FCER1A: variants seen among roughly 807,000 people sequenced by gnomAD.
FCER1A encodes Fc epsilon receptor Ia, also known as high affinity immunoglobulin epsilon receptor subunit alpha.
In FCER1A, 24 loss-of-function variants were observed where a neutral mutation model predicts 23.6. That is an observed-to-expected ratio of 1.02 (90% CI 0.74 to 1.43). The LOEUF (loss-of-function observed/expected upper bound fraction) is 1.43. Among genes scored for constraint, FCER1A ranks in the 40% most tolerant of loss-of-function variants. The pLI is 0.00. For missense variants in FCER1A, 318 were observed against 294.5 expected, an observed-to-expected ratio of 1.08 and a Z score of -0.58; for synonymous variants, 121 against 108.8, an observed-to-expected ratio of 1.11 and a Z score of -0.70.
chr1:159,303,318 T>C (rs1571080969), intron 2 of FCER1A, among the ~76,000 whole-genome samples: 3 of 152,344 alleles, frequency 2.0e-5, no homozygotes, highest in Non-Finnish European at 4.4e-5. Context: ...ACCATGTATC[T>C]ACTTCTTTGG....
At position 159,306,248 on chromosome 1, in the gene FCER1A, G is replaced by A; in HGVS notation, c.589+3G>A. ...CCTCAACATTACTGTAATAAAAGGT[G>A]AGTTGGTAAAGGAAAGGAAAAGCAT... On this transcript the variant is annotated splice_donor_region_variant and intron_variant, in intron 4 of 4. Coordinates refer to ENST00000693622, the MANE Select transcript of FCER1A (RefSeq NM_001387280.1). The A allele has an allele frequency of 6.2e-7, 1 of 1,612,340 alleles. No individual in the cohort carries two copies. The highest frequency in any genetic ancestry group is 8.5e-7 in the Non-Finnish European group (1 of 1,179,050).
At chr1:159,307,678 A>G (rs1238289748) in intron 4 of FCER1A, 70 bp from the exon 5 acceptor site, 1 of 1,198,276 alleles carries the variant, frequency 8.3e-7, no homozygotes, top group African/African-American at 1.5e-5. Flanking sequence ...AGGGAGGATG[A>G]AACTCTGAAC....
At chr1:159,287,973 C>T (rs1652058766), upstream of FCER1A, among the ~76,000 whole-genome samples, 1 of 151,870 alleles carries the variant, frequency 6.6e-6, no homozygotes, top group Non-Finnish European at 1.5e-5. Context: ...GTGAACTAAA[C>T]TAATATAGTC....
At chr1:159,304,441 A>AT (rs147971778) in intron 3 of FCER1A, among the ~76,000 whole-genome samples, 2,673 of 151,782 alleles carry the variant, frequency 0.018, 35 homozygotes, top group Middle Eastern at 0.024. Flanking sequence ...TCTGCTAAAA[A>AT]ATATATATAT....
At chr1:159,283,822 C>A in the FCER1A span, among the ~76,000 whole-genome samples, 3 of 152,136 alleles carry the variant, frequency 2.0e-5, no homozygotes, top group South Asian at 6.2e-4. Context: ...TTTATTTTCC[C>A]CAAGGAGAAG....
At chr1:159,302,518 A>G in intron 1 of FCER1A, 99 bp downstream of exon 1, 1 of 864,560 alleles carries the variant, frequency 1.2e-6, no homozygotes, top group Non-Finnish European at 2.0e-6. Flanking sequence ...TTTTTCTAGG[A>G]CATGTGCAAA....
intron 4 of FCER1A, among the ~76,000 whole-genome samples, chr1:159,307,343 T>G (rs1652645572): frequency 6.6e-6 from 1 of 152,226 alleles, no homozygotes; most frequent in African/African-American, 2.4e-5. Flanking sequence ...ATTTCTTCAT[T>G]TTGCCTAACA....
upstream of FCER1A, among the ~76,000 whole-genome samples, chr1:159,288,903 C>T (rs1000564898): frequency 3.3e-5 from 5 of 152,162 alleles, no homozygotes; most frequent in African/African-American, 1.2e-4. Context: ...ATAATTCTCA[C>T]AAAACATTCT....
intron 4 of FCER1A, among the ~76,000 whole-genome samples, chr1:159,306,890 T>A (rs1652633065): frequency 6.6e-6 from 1 of 152,176 alleles, no homozygotes; most frequent in Admixed American, 6.5e-5. Flanking sequence ...ACTTTGTACA[T>A]AATAATGTTT....
chr1:159,304,090 T>C lies in FCER1A; in HGVS notation c.239T>C (p.Ile80Thr), dbSNP rs1027712234. The change falls in exon 3 of 5, where the codon ATT becomes ACT. Residue 80 changes from isoleucine (I) to threonine (T), a missense_variant. By Grantham distance (89) the Ile-to-Thr change is moderately conservative (BLOSUM62 -1). Transcript: ENST00000693622. ...LSEETNSSLN[I>T]VNAKFEDSGE... ...GAAGAGACAAATTCAAGTTTGAATA[T>C]TGTGAATGCCAAATTTGAAGACAGT... 1.2e-6 allele frequency: 2 copies of C among 1,614,124 alleles called. No individual in the cohort carries two copies. The highest frequency in any genetic ancestry group is 1.3e-5 in the African/African-American group (1 of 75,040).
At chr1:159,287,544 A>G (rs984412678), upstream of FCER1A, among the ~76,000 whole-genome samples, 1 of 152,070 alleles carries the variant, frequency 6.6e-6, no homozygotes, top group Non-Finnish European at 1.5e-5. Flanking sequence ...GGTGGTTTCC[A>G]CAAAGGATGA....
intron 1 of FCER1A, among the ~76,000 whole-genome samples, chr1:159,294,015 T>G (rs1223222203): frequency 6.6e-6 from 1 of 151,828 alleles, no homozygotes; most frequent in South Asian, 2.1e-4. Context: ...AAAACCACAA[T>G]GAGATACCAT....
rs374481114 is a variant in FCER1A at position 159,306,125 on chromosome 1, G to A, written c.469G>A (p.Glu157Lys). The A allele has an allele frequency of 1.3e-5, 21 of 1,614,038 alleles. No homozygotes were observed. The highest frequency in any genetic ancestry group is 1.8e-5 in the Non-Finnish European group (21 of 1,180,026). The change falls in exon 4 of 5, where the codon GAG becomes AAG. Residue 157 changes from glutamate to lysine, a missense_variant. Coordinates refer to ENST00000693622, the MANE Select transcript of FCER1A (RefSeq NM_001387280.1). Reference protein sequence around the residue: ...KDGEALKYWYENHNISITNAT... With the variant: ...KDGEALKYWYKNHNISITNAT... ...TGGTGAAGCTCTCAAGTACTGGTAT[G>A]AGAACCACAACATCTCCATTACAAA...
intron 1 of FCER1A, among the ~76,000 whole-genome samples, chr1:159,296,144 G>A (rs1652288655): frequency 1.3e-5 from 2 of 151,994 alleles, no homozygotes; most frequent in South Asian, 4.2e-4. Flanking sequence ...AACCTTTTGT[G>A]ATTAACTTTC....
intron 4 of FCER1A, 44 bp from the exon 5 acceptor site, chr1:159,307,704 C>G: frequency 1.4e-6 from 2 of 1,449,192 alleles, no homozygotes; most frequent in Non-Finnish European, 1.9e-6. Context: ...TTTTCAGTTC[C>G]CAAGATGAAT....
intron 1 of FCER1A, among the ~76,000 whole-genome samples, chr1:159,293,090 T>C (rs1249520326): frequency 1.3e-5 from 2 of 151,916 alleles, no homozygotes; most frequent in African/African-American, 2.4e-5. Flanking sequence ...TATTCAGTTA[T>C]AACCACAGAA....
chr1:159,301,705 G>C (rs1652432246), upstream of FCER1A, among the ~76,000 whole-genome samples: 1 of 152,182 alleles, frequency 6.6e-6, no homozygotes, highest in Non-Finnish European at 1.5e-5. Flanking sequence ...GGTAGCTCTG[G>C]TGAATCCCAA....
chr1:159,294,254 A>G (rs1480185253), intron 1 of FCER1A, among the ~76,000 whole-genome samples: 1 of 152,218 alleles, frequency 6.6e-6, no homozygotes, highest in African/African-American at 2.4e-5. Context: ...ATGCTGCTAT[A>G]AAGACACATG....
Position 159,308,013 on chromosome 1 carries a change from C to A in FCER1A, c.*81C>A. On this transcript the variant is annotated 3_prime_UTR_variant, in exon 5 of 5. Coordinates refer to ENST00000693622, the MANE Select transcript of FCER1A (RefSeq NM_001387280.1). Reference sequence around the variant, plus strand: ...CTACTCAATTGTCAAACACAGCTTGCAATATACATAGAAACGTCTGTGCTC... The same window carrying A: ...CTACTCAATTGTCAAACACAGCTTGAAATATACATAGAAACGTCTGTGCTC... 1 of 999,146 alleles carries A rather than the reference C, an allele frequency of 1.0e-6. No individual in the cohort carries two copies. The highest frequency in any genetic ancestry group is 1.5e-6 in the Non-Finnish European group (1 of 677,686). The allele number at this position is 999,146 out of a possible 1,614,324, so 61.9% of individuals were successfully genotyped here. A position where few individuals can be genotyped will look rare whatever the true frequency, so the allele number is the denominator to read the frequency against.
Sources: gnomAD v4.1 joint callset for allele counts (sites outside exome capture counted in the v4.1 genomes callset) on GRCh38, gnomAD v4.1.1 for gene constraint, MANE v1.5 for transcripts, NCBI Gene and HGNC (gene_info 2026-07-23, HGNC 2026-07-21) for gene names.